The following DDX31 variants were observed in gnomAD, a reference collection of about 807,000 sequenced individuals.
DDX31 encodes ATP-dependent DNA helicase DDX31.
DDX31 carries 70 observed loss-of-function variants against 91.3 expected under a neutral mutation model. The observed-to-expected ratio is 0.77, with a 90% CI of 0.63 to 0.94. The LOEUF (loss-of-function observed/expected upper bound fraction) is 0.94, where lower values mean the gene tolerates loss of function less well. DDX31 is among the 40% of genes least tolerant of loss of function. DDX31 has a pLI of 0.00. For synonymous variants in DDX31, 362 were observed against 350.6 expected (o/e 1.03, Z -0.36); for missense variants, 902 against 925.0 (o/e 0.98, Z 0.32).
At chr9:132,647,204 G>C in intron 11 of DDX31, 146 bp from the exon 12 acceptor site, 6 of 683,622 alleles carry the variant, frequency 8.8e-6, no homozygotes, top group Non-Finnish European at 1.3e-5. Context: ...GCACTGATCC[G>C]CCCTAGTGCC....
Position 132,651,079 on chromosome 9 carries a change from A to C in DDX31, c.671T>G (p.Leu224Arg), listed in dbSNP as rs140698531. 1 of 1,612,732 alleles carries C rather than the reference A, an allele frequency of 6.2e-7. No individual in the cohort carries two copies. Among genetic ancestry groups the C allele is most frequent in the Non-Finnish European group, 8.5e-7 (1 of 1,179,530 alleles). ...LQSFDTVQKL[L>R]KPFTWIVPGV... ...GGAACTCATGGTTTGCCTTACCTTA[A>C]GCAGTTTCTGGACAGTGTCAAAGCT... The change falls in exon 8 of 20, where the codon CTT becomes CGT. Residue 224 changes from leucine (L) to arginine (R), a missense_variant. Transcript: ENST00000372159.
At chr9:132,599,144 C>T (rs995717408) in intron 19 of DDX31, among the ~76,000 whole-genome samples, 4 of 152,310 alleles carry the variant, frequency 2.6e-5, no homozygotes, top group Middle Eastern at 6.8e-3. Flanking sequence ...CCATCCAAAC[C>T]GACTACATGA....
At chr9:132,646,131 G>T in intron 12 of DDX31, 60 bp from the exon 13 acceptor site, 2 of 1,538,144 alleles carry the variant, frequency 1.3e-6, no homozygotes, top group South Asian at 1.2e-5. Flanking sequence ...ACGCCAAAAC[G>T]AATATTTCTC....
rs972881507 is a variant in DDX31, at chr9:132,613,118, G to A, written c.1826-863C>T. Among the ~76,000 whole-genome samples, 3 of 152,204 alleles carry A rather than the reference G, an allele frequency of 2.0e-5. No homozygotes were observed. In the South Asian group the frequency reaches 6.2e-4, roughly 32 times the overall value. On this transcript the variant is annotated intron_variant, in intron 18 of 19. Transcript: ENST00000372159. ...GCTGGTCTTGAACTCCTGACCTCAG[G>A]TGGTCCTCCCGCCTCAGCCTCTCAA...
intron 18 of DDX31, among the ~76,000 whole-genome samples, chr9:132,614,548 G>C (rs1831525330): frequency 6.6e-6 from 1 of 152,096 alleles, no homozygotes. Flanking sequence ...ACCATGCCAA[G>C]AGCCTGCACT....
rs187351300 is a variant in DDX31 at position 132,639,469 on chromosome 9, T to G, written c.1440+2535A>C. 2.8e-3 allele frequency among the ~76,000 whole-genome samples: 432 copies of G among 152,304 alleles called. 2 individuals are homozygous for G. Among genetic ancestry groups the G allele is most frequent in the Non-Finnish European group, 4.6e-3 (310 of 68,020 alleles). On this transcript the variant is annotated intron_variant, in intron 14 of 19. Coordinates refer to ENST00000372159, the MANE Select transcript of DDX31 (RefSeq NM_022779.9). ...TGGGCGAGGGAGAGTTCTCTTTCCA[T>G]GTGGCACCTGGGACTGGCAGGGCGC...
chr9:132,660,083 C>T (rs2130835252), intron 4 of DDX31, among the ~76,000 whole-genome samples: 1 of 152,228 alleles, frequency 6.6e-6, no homozygotes, highest in East Asian at 1.9e-4. Flanking sequence ...CACCTGTAAT[C>T]CCTGCACTTT....
chr9:132,645,837 G>A (rs1270445126), intron 13 of DDX31, 58 bp downstream of exon 13: 20 of 1,541,462 alleles, frequency 1.3e-5, no homozygotes, highest in Admixed American at 3.7e-5. Flanking sequence ...ACTCAGGTTC[G>A]CCCCCATCTC....
chr9:132,669,598 T>A, intron 1 of DDX31: 1 of 1,506,520 alleles, frequency 6.6e-7, no homozygotes, highest in Non-Finnish European at 8.9e-7. Context: ...TCTAATTCCT[T>A]CCTTTACTTT....
intron 18 of DDX31, among the ~76,000 whole-genome samples, chr9:132,613,665 G>T (rs1467742539): frequency 1.3e-5 from 2 of 152,216 alleles, no homozygotes; most frequent in African/African-American, 4.8e-5. Context: ...CCGCACTCCA[G>T]CCTGGGCAAC....
intron 19 of DDX31, among the ~76,000 whole-genome samples, chr9:132,600,987 A>C (rs1184050434): frequency 6.6e-6 from 1 of 152,194 alleles, no homozygotes; most frequent in African/African-American, 2.4e-5. Context: ...AGCCTTATGA[A>C]TTACTGTTAA....
chr9:132,632,297 C>CACACACACAG (rs1564306019), intron 14 of DDX31, among the ~76,000 whole-genome samples: 1 of 132,324 alleles, frequency 7.6e-6, no homozygotes, highest in Admixed American at 8.1e-5. Context: ...CACACACACA[C>CACACACACAG]AGTCCTGCAT....
chr9:132,646,076 A>G lies in DDX31; in HGVS notation c.1204-5T>C. 1.9e-6 allele frequency: 3 copies of G among 1,612,528 alleles called. No individual in the cohort carries two copies. The highest frequency in any genetic ancestry group is 2.5e-6 in the Non-Finnish European group (3 of 1,178,918). On this transcript the variant is annotated splice_region_variant and splice_polypyrimidine_tract_variant and intron_variant, in intron 12 of 19. Coordinates refer to ENST00000372159, the MANE Select transcript of DDX31 (RefSeq NM_022779.9). ...CATCTTCTGGTCTTCCTCAAACTAC[A>G]TCGATACAAAGGGAGGAAAAACCGA...
chr9:132,647,109 T>C (rs143454134), intron 11 of DDX31, 51 bp from the exon 12 acceptor site: 25 of 1,574,598 alleles, frequency 1.6e-5, no homozygotes, highest in African/African-American at 1.5e-4. Context: ...ACCATGAAAC[T>C]GGTCACAAAA....
At chr9:132,604,629 T>G (rs546390327) in intron 19 of DDX31, among the ~76,000 whole-genome samples, 99 of 152,230 alleles carry the variant, frequency 6.5e-4, no homozygotes, top group South Asian at 1.2e-3. Context: ...TCTATCTCAC[T>G]CTTCATAATT....
At chr9:132,600,825 G>A (rs7851544) in intron 19 of DDX31, among the ~76,000 whole-genome samples, 16,111 of 152,208 alleles carry the variant, frequency 0.11, 958 homozygotes, top group Admixed American at 0.17. Flanking sequence ...TCTGCCACTC[G>A]CCTAGCTGAT....
At chr9:132,642,434 A>G (rs551915802) in intron 13 of DDX31, among the ~76,000 whole-genome samples, 1 of 152,354 alleles carries the variant, frequency 6.6e-6, no homozygotes, top group Non-Finnish European at 1.5e-5. Flanking sequence ...CTCTGAAGGA[A>G]TAAAGAATAA....
At chr9:132,657,634 G>C (rs910348476) in intron 6 of DDX31, among the ~76,000 whole-genome samples, 2 of 152,128 alleles carry the variant, frequency 1.3e-5, no homozygotes, top group Non-Finnish European at 2.9e-5. Flanking sequence ...TGCTAATTCT[G>C]CATATCCAAA....
intron 13 of DDX31, among the ~76,000 whole-genome samples, chr9:132,643,539 T>A (rs1833631628): frequency 6.6e-6 from 1 of 152,182 alleles, no homozygotes; most frequent in African/African-American, 2.4e-5. Flanking sequence ...CAACAAACAT[T>A]CATCGAGTGC....
Sources: gnomAD v4.1 joint callset for allele counts (sites outside exome capture counted in the v4.1 genomes callset) on GRCh38, gnomAD v4.1.1 for gene constraint, MANE v1.5 for transcripts, NCBI Gene and HGNC (gene_info 2026-07-23, HGNC 2026-07-21) for gene names.